Variants in MYO1E observed in about 807,000 individuals in gnomAD.
MYO1E encodes unconventional myosin-Ie.
In MYO1E, 68 loss-of-function variants were observed where a neutral mutation model predicts 151.1. The ratio of observed to expected loss-of-function variants is 0.45; its 90% CI spans 0.37 to 0.55. The LOEUF is 0.55. Ranked by LOEUF, MYO1E falls within the 20% of genes least tolerant of loss-of-function variation. The pLI, the probability that MYO1E is intolerant of heterozygous loss-of-function variation, is 0.00. For missense variants in MYO1E, 1,363 were observed against 1,389.3 expected (o/e 0.98, Z 0.30); for synonymous variants, 601 against 501.7 (o/e 1.20, Z -2.64).
chr15:59,230,969 G>A (rs1480311650), intron 6 of MYO1E, among the ~76,000 whole-genome samples: 1 of 152,176 alleles, frequency 6.6e-6, no homozygotes, highest in Non-Finnish European at 1.5e-5. Context: ...TGTGGCTTTT[G>A]TCAAGGGGAA....
rs200881397 is a variant in MYO1E, at chr15:59,236,680, AAGAC to A, written c.333-12_333-9del. The A allele has an allele frequency of 5.6e-3, 9,010 of 1,604,412 alleles. 39 individuals are homozygous for A. Among genetic ancestry groups the A allele is most frequent in the Middle Eastern group, 9.1e-3 (55 of 6,028 alleles). The stretch of plus-strand genomic sequence containing the variant: ...CCAGCACCACTTTCACCACTAAAGA[AAGAC>A]AGACAAAGAATCCACCTGAGAAGTG... On this transcript the variant is annotated splice_polypyrimidine_tract_variant and intron_variant, in intron 4 of 27. Transcript: ENST00000288235.
intron 17 of MYO1E, among the ~76,000 whole-genome samples, chr15:59,193,204 A>G (rs548686117): frequency 3.9e-4 from 59 of 150,726 alleles, no homozygotes; most frequent in Middle Eastern, 6.8e-3. Context: ...CTCGGGATGG[A>G]GCCCAGCAAT....
intron 4 of MYO1E, among the ~76,000 whole-genome samples, chr15:59,240,500 T>C (rs1395635247): frequency 1.3e-5 from 2 of 152,220 alleles, no homozygotes; most frequent in Non-Finnish European, 2.9e-5. Context: ...CCAAGGACCA[T>C]AATTATTTTT....
At chr15:59,259,237 T>TA (rs2080211890) in intron 3 of MYO1E, among the ~76,000 whole-genome samples, 1 of 152,228 alleles carries the variant, frequency 6.6e-6, no homozygotes, top group African/African-American at 2.4e-5. Flanking sequence ...GTAGGGTTTG[T>TA]AAGATTGGAA....
intron 1 of MYO1E, among the ~76,000 whole-genome samples, chr15:59,298,219 T>C (rs563246612): frequency 1.3e-5 from 2 of 152,210 alleles, no homozygotes; most frequent in Admixed American, 6.5e-5. Context: ...AAAATTTACA[T>C]TTACAAATCT....
intron 1 of MYO1E, among the ~76,000 whole-genome samples, chr15:59,340,709 A>T (rs2080759905): frequency 6.6e-6 from 1 of 152,188 alleles, no homozygotes; most frequent in African/African-American, 2.4e-5. Flanking sequence ...TTTATTCAGG[A>T]ATAAAATCAG....
intron 19 of MYO1E, among the ~76,000 whole-genome samples, chr15:59,176,592 G>C (rs1363974728): frequency 6.6e-6 from 1 of 151,820 alleles, no homozygotes; most frequent in Non-Finnish European, 1.5e-5. Context: ...CTCCTGAGTA[G>C]CTAGGACAGC....
At chr15:59,322,781 C>G (rs763594276) in intron 1 of MYO1E, among the ~76,000 whole-genome samples, 1 of 152,062 alleles carries the variant, frequency 6.6e-6, no homozygotes, top group African/African-American at 2.4e-5. Flanking sequence ...TTCCATTTAA[C>G]ATATCTTAAA....
At chr15:59,311,480 T>C (rs1434885044) in intron 1 of MYO1E, among the ~76,000 whole-genome samples, 1 of 152,144 alleles carries the variant, frequency 6.6e-6, no homozygotes, top group African/African-American at 2.4e-5. Context: ...CGGACCGTAT[T>C]GCCCAGGGGT....
chr15:59,167,933 C>T (rs1184973174), intron 22 of MYO1E, among the ~76,000 whole-genome samples: 1 of 152,154 alleles, frequency 6.6e-6, no homozygotes, highest in African/African-American at 2.4e-5. Flanking sequence ...CTCGCCTCGG[C>T]CTCCCAAAGT....
At chr15:59,214,510 C>A (rs559528044) in intron 11 of MYO1E, 130 bp downstream of exon 11, 9 of 1,038,266 alleles carry the variant, frequency 8.7e-6, no homozygotes, top group African/African-American at 1.6e-5. Flanking sequence ...AAAAATGAGC[C>A]TGAGTTGTTT....
rs183595689 is a variant in MYO1E, at chr15:59,303,233, G to C, written c.4-30784C>G. On this transcript the variant is annotated intron_variant, in intron 1 of 27. Coordinates refer to ENST00000288235, the MANE Select transcript of MYO1E (RefSeq NM_004998.4). The stretch of plus-strand genomic sequence containing the variant: ...CAAAAGCCAGCCTGAGCAACGTGGC[G>C]AAACCCTGTCTCTACCAAAAATACA... Among the ~76,000 whole-genome samples, 97 of 152,302 alleles carry C rather than the reference G, an allele frequency of 6.4e-4. 1 individual carries two copies. The highest frequency in any genetic ancestry group is 1.3e-4 in the Non-Finnish European group (9 of 68,044).
intron 9 of MYO1E, among the ~76,000 whole-genome samples, chr15:59,220,925 T>TAAA (rs59578227): frequency 2.6e-5 from 2 of 77,930 alleles, no homozygotes; most frequent in African/African-American, 4.8e-5. Context: ...CCCCATCTCT[T>TAAA]AAAAAAAAAA....
chr15:59,236,130 T>C (rs2080061522), intron 5 of MYO1E, among the ~76,000 whole-genome samples: 1 of 151,776 alleles, frequency 6.6e-6, no homozygotes, highest in African/African-American at 2.4e-5. Flanking sequence ...TCACCTGAGG[T>C]CAGGAGTTCG....
intron 1 of MYO1E, among the ~76,000 whole-genome samples, chr15:59,286,248 C>T (rs796168927): frequency 1.4e-4 from 22 of 152,276 alleles, no homozygotes; most frequent in African/African-American, 4.6e-4. Flanking sequence ...ATACTGCTTG[C>T]AAAATACGCA....
chr15:59,336,157 G>T (rs1596425787), intron 1 of MYO1E, among the ~76,000 whole-genome samples: 1 of 152,068 alleles, frequency 6.6e-6, no homozygotes, highest in Non-Finnish European at 1.5e-5. Flanking sequence ...GATCACTTGA[G>T]GCTAGGAGTT....
intron 17 of MYO1E, among the ~76,000 whole-genome samples, chr15:59,190,639 C>T (rs2079727164): frequency 6.6e-6 from 1 of 152,318 alleles, no homozygotes; most frequent in South Asian, 2.1e-4. Context: ...GCGCCACTGG[C>T]CCTGCCACGA....
intron 23 of MYO1E, among the ~76,000 whole-genome samples, chr15:59,162,181 ATG>A (rs2079541485): frequency 6.6e-6 from 1 of 152,016 alleles, no homozygotes; most frequent in African/African-American, 2.4e-5. Context: ...GACTACAGGC[ATG>A]CACCACCATA....
chr15:59,362,439 G>A (rs2080891000), intron 1 of MYO1E, among the ~76,000 whole-genome samples: 1 of 152,114 alleles, frequency 6.6e-6, no homozygotes, highest in Admixed American at 6.6e-5. Context: ...ACACTGTCAG[G>A]GAAAAGGTCA....
Sources: gnomAD v4.1 joint callset for allele counts (sites outside exome capture counted in the v4.1 genomes callset) on GRCh38, gnomAD v4.1.1 for gene constraint, MANE v1.5 for transcripts, NCBI Gene and HGNC (gene_info 2026-07-23, HGNC 2026-07-21) for gene names.